The following PRCC variants were observed in gnomAD, a reference collection of about 807,000 sequenced individuals.
PRCC encodes the protein proline-rich protein PRCC.
A neutral mutation model predicts 44.0 loss-of-function variants in PRCC; 10 were observed. The observed-to-expected ratio is 0.23, with a 90% CI of 0.14 to 0.39. The LOEUF (loss-of-function observed/expected upper bound fraction) is 0.39, where lower values mean the gene tolerates loss of function less well. PRCC is among the 10% of genes least tolerant of loss of function. The pLI, the probability that PRCC is intolerant of heterozygous loss-of-function variation, is 1.00. For synonymous variants in PRCC, 278 were observed against 259.5 expected (o/e 1.07, Z -0.69); for missense variants, 573 against 624.7 (o/e 0.92, Z 0.88).
Position 156,794,691 on chromosome 1 carries a change from C to A in PRCC, c.1206C>A (p.Asn402Lys), listed in dbSNP as rs1652599260. 6.2e-7 allele frequency: 1 copy of A among 1,614,058 alleles called. No homozygotes were observed. The highest frequency in any genetic ancestry group is 1.3e-5 in the African/African-American group (1 of 75,004). ...EAFKRLQGKR[N>K]RGREEINFVE... ...TTAAGCGGCTGCAGGGCAAGAGGAA[C>A]CGAGGGAGAGAAGAAATCAACTTTG... Residue 402 changes from asparagine to lysine, a missense_variant, in exon 5 of 7, where the codon AAC (asparagine) becomes AAA (lysine). Coordinates refer to ENST00000271526, the MANE Select transcript of PRCC (RefSeq NM_005973.5).
At chr1:156,792,497 G>A (rs899128631) in intron 4 of PRCC, among the ~76,000 whole-genome samples, 2 of 152,132 alleles carry the variant, frequency 1.3e-5, no homozygotes, top group Non-Finnish European at 2.9e-5. Flanking sequence ...GCCCAGGCTG[G>A]AGTATGGTGG....
At chr1:156,790,811 A>G (rs1652446525) in intron 3 of PRCC, among the ~76,000 whole-genome samples, 1 of 152,218 alleles carries the variant, frequency 6.6e-6, no homozygotes, top group South Asian at 2.1e-4. Flanking sequence ...CTTATTGTGA[A>G]TACCATTATA....
rs773948752 is a variant in PRCC at position 156,797,356 on chromosome 1, A to T, written c.1389+15A>T. ...TTATTCATCAGGTGAGAGACAGCTG[A>T]GGGCTCTGGCTCAGGCAGGATCTCT... On this transcript the variant is annotated intron_variant, in intron 6 of 6. Transcript: ENST00000271526. The T allele has an allele frequency of 2.5e-6, 4 of 1,614,140 alleles. No individual in the cohort carries two copies. Among genetic ancestry groups the T allele is most frequent in the Admixed American group, 3.3e-5 (2 of 60,018 alleles).
chr1:156,797,344 G>A lies in PRCC; in HGVS notation c.1389+3G>A. ...AGATCACATATCTTATTCATCAGGTGAGAGACAGCTGAGGGCTCTGGCTCA... is the reference window on the plus strand; with the variant it reads ...AGATCACATATCTTATTCATCAGGTAAGAGACAGCTGAGGGCTCTGGCTCA... On this transcript the variant is annotated splice_donor_region_variant and intron_variant, in intron 6 of 6. Coordinates refer to ENST00000271526, the MANE Select transcript of PRCC (RefSeq NM_005973.5). 6.2e-7 allele frequency: 1 copy of A among 1,614,190 alleles called. No individual in the cohort carries two copies. Among genetic ancestry groups the A allele is most frequent in the Non-Finnish European group, 8.5e-7 (1 of 1,180,018 alleles).
chr1:156,787,497 A>C (rs1319914928), intron 3 of PRCC, among the ~76,000 whole-genome samples: 51 of 70,330 alleles, frequency 7.3e-4, no homozygotes, highest in Admixed American at 3.0e-3. Flanking sequence ...ATATATATAT[A>C]TCTGTTTTTT....
intron 5 of PRCC, 89 bp downstream of exon 5, chr1:156,794,897 T>C: frequency 6.6e-7 from 1 of 1,520,768 alleles, no homozygotes; most frequent in Non-Finnish European, 9.0e-7. Flanking sequence ...CACACCCCAT[T>C]GTTATTGTCA....
intron 1 of PRCC, 55 bp downstream of exon 1, chr1:156,768,294 A>C (rs911816236): frequency 1.3e-6 from 2 of 1,498,284 alleles, no homozygotes; most frequent in Non-Finnish European, 1.8e-6. Context: ...AGTCGGCTGT[A>C]GGAGGGACAT....
chr1:156,787,689 G>A (rs1652325154), intron 3 of PRCC, among the ~76,000 whole-genome samples: 1 of 85,048 alleles, frequency 1.2e-5, no homozygotes, highest in Admixed American at 1.8e-4. Context: ...TCACTCTGTT[G>A]CCCAGGCTGG....
chr1:156,782,190 C>G (rs906490449), intron 1 of PRCC, 92 bp from the exon 2 acceptor site: 2 of 1,215,472 alleles, frequency 1.6e-6, no homozygotes, highest in Non-Finnish European at 2.4e-6. Flanking sequence ...AAGATGGCCA[C>G]TGTTGTCCAA....
chr1:156,798,976 T>A (rs1571598900), intron 6 of PRCC, among the ~76,000 whole-genome samples: 1 of 152,258 alleles, frequency 6.6e-6, no homozygotes, highest in Admixed American at 6.5e-5. Context: ...CATTACGTGG[T>A]GTTTTAAGCA....
intron 3 of PRCC, among the ~76,000 whole-genome samples, chr1:156,790,013 G>A (rs549147806): frequency 6.6e-6 from 1 of 152,332 alleles, no homozygotes; most frequent in Non-Finnish European, 1.5e-5. Flanking sequence ...GGAGTTGGGG[G>A]ACCTGGCACC....
chr1:156,785,314 AGCCTG>A (rs1470956599), intron 2 of PRCC, among the ~76,000 whole-genome samples: 2 of 152,114 alleles, frequency 1.3e-5, no homozygotes, highest in Admixed American at 1.3e-4. Context: ...GTTGAAGACC[AGCCTG>A]GCCAAGATGG....
At chr1:156,785,815 C>T (rs1157853099) in intron 2 of PRCC, among the ~76,000 whole-genome samples, 1 of 140,614 alleles carries the variant, frequency 7.1e-6, no homozygotes, top group African/African-American at 2.6e-5. Flanking sequence ...GGGGAAGGGA[C>T]TTTTTTTTTT....
At position 156,794,751 on chromosome 1, in the gene PRCC, C is replaced by A; in HGVS notation, c.1266C>A (p.Ala422=). ...EIKGDDQLSG[A]QQWMTKSLTE... ...AAGGTGATGACCAGCTCAGTGGGGC[C>A]CAGCAATGGATGACTAAGTCATTGA... is the stretch of plus-strand genomic sequence containing the variant. The change falls in exon 5 of 7, where the codon GCC becomes GCA. Residue 422 remains alanine, a synonymous_variant. Coordinates refer to ENST00000271526, the MANE Select transcript of PRCC (RefSeq NM_005973.5). The A allele has an allele frequency of 6.2e-7, 1 of 1,614,078 alleles. No homozygotes were observed. The highest frequency in any genetic ancestry group is 8.5e-7 in the Non-Finnish European group (1 of 1,180,028).
intron 1 of PRCC, among the ~76,000 whole-genome samples, chr1:156,771,036 C>T (rs1199986911): frequency 6.6e-6 from 1 of 152,170 alleles, no homozygotes; most frequent in Non-Finnish European, 1.5e-5. Flanking sequence ...TTGGAGTATA[C>T]CTAGTGGGCA....
At chr1:156,797,637 T>C (rs1429291163) in intron 6 of PRCC, among the ~76,000 whole-genome samples, 1 of 152,174 alleles carries the variant, frequency 6.6e-6, no homozygotes, top group African/African-American at 2.4e-5. Context: ...TGGTTTATCA[T>C]AGGGTTCTTT....
Position 156,786,880 on chromosome 1 carries a change from A to T in PRCC, c.789A>T (p.Glu263Asp), listed in dbSNP as rs771749507. Residue 263 changes from glutamate (E) to aspartate (D), a missense_variant, in exon 3 of 7, where the codon GAA becomes GAT. Coordinates refer to ENST00000271526, the MANE Select transcript of PRCC (RefSeq NM_005973.5). ...ALQVTKQITQEEDDSDEEVAP... is the reference protein window; with the variant it reads ...ALQVTKQITQDEDDSDEEVAP... ...AGGTGACAAAGCAGATCACGCAGGA[A>T]GAAGACGACAGTGATGAGGAAGTAG... 1.2e-6 allele frequency: 2 copies of T among 1,614,240 alleles called. No homozygotes were observed. The highest frequency in any genetic ancestry group is 1.7e-6 in the Non-Finnish European group (2 of 1,180,048).
chr1:156,798,716 C>T (rs544993132), intron 6 of PRCC, among the ~76,000 whole-genome samples: 5 of 151,630 alleles, frequency 3.3e-5, no homozygotes, highest in South Asian at 4.2e-4. Context: ...ATTAGCCAGG[C>T]GTGGTGCCTG....
chr1:156,768,517 C>T (rs1651505181), intron 1 of PRCC, among the ~76,000 whole-genome samples: 1 of 152,166 alleles, frequency 6.6e-6, no homozygotes, highest in South Asian at 2.1e-4. Context: ...GGATCCGCTC[C>T]CCCTTCTTTG....
Sources: gnomAD v4.1 joint callset for allele counts (sites outside exome capture counted in the v4.1 genomes callset) on GRCh38, gnomAD v4.1.1 for gene constraint, MANE v1.5 for transcripts, NCBI Gene and HGNC (gene_info 2026-07-23, HGNC 2026-07-21) for gene names.